The following LAMA2 variants were observed in gnomAD, a reference collection of about 807,000 sequenced individuals.
The protein encoded by LAMA2 is laminin subunit alpha-2.
A neutral mutation model predicts 364.8 loss-of-function variants in LAMA2; 269 were observed. The ratio of observed to expected loss-of-function variants is 0.74; its 90% CI spans 0.67 to 0.82. The LOEUF is 0.82. Ranked by LOEUF, LAMA2 falls within the 40% of genes least tolerant of loss-of-function variation. The pLI, the probability that LAMA2 is intolerant of heterozygous loss-of-function variation, is 0.00. For missense variants in LAMA2, 3,807 were observed against 3,873.2 expected, an observed-to-expected ratio of 0.98 and a Z score of 0.45; for synonymous variants, 1,379 against 1,370.6, an observed-to-expected ratio of 1.01 and a Z score of -0.14.
chr6:129,444,570 C>T (rs1441793159), intron 44 of LAMA2, among the ~76,000 whole-genome samples: 3 of 152,004 alleles, frequency 2.0e-5, no homozygotes, highest in African/African-American at 7.3e-5. Flanking sequence ...TAATAATAGA[C>T]CTATGTTCTT....
intron 12 of LAMA2, among the ~76,000 whole-genome samples, chr6:129,200,473 C>CATAT (rs1782210452): frequency 6.8e-6 from 1 of 147,004 alleles, no homozygotes; most frequent in Admixed American, 6.8e-5. Context: ...TACACATATA[C>CATAT]ATGTATATAT....
chr6:129,460,152 A>C, intron 48 of LAMA2, 48 bp from the exon 49 acceptor site: 1 of 1,589,144 alleles, frequency 6.3e-7, no homozygotes, highest in Non-Finnish European at 8.6e-7. Context: ...AACCAAGATT[A>C]TTTGTGAAAT....
chr6:129,226,727 G>A (rs1784312189), intron 12 of LAMA2, among the ~76,000 whole-genome samples: 1 of 152,032 alleles, frequency 6.6e-6, no homozygotes, highest in African/African-American at 2.4e-5. Context: ...GCTTCCCTTT[G>A]AGGGTAACCC....
At chr6:129,391,380 C>A in intron 35 of LAMA2, 111 bp from the exon 36 acceptor site, 1 of 920,552 alleles carries the variant, frequency 1.1e-6, no homozygotes, top group Non-Finnish European at 1.8e-6. Flanking sequence ...GGAACACTCA[C>A]GGCAAAATAC....
At chr6:128,959,518 TCC>T (rs1222369477) in intron 1 of LAMA2, among the ~76,000 whole-genome samples, 5 of 152,134 alleles carry the variant, frequency 3.3e-5, no homozygotes, top group Non-Finnish European at 7.3e-5. Context: ...GGTCTTTACA[TCC>T]CTTGAGGACT....
At chr6:129,271,049 T>C (rs141941028) in intron 17 of LAMA2, among the ~76,000 whole-genome samples, 144 of 152,242 alleles carry the variant, frequency 9.5e-4, no homozygotes, top group African/African-American at 3.3e-3. Flanking sequence ...AACACATACA[T>C]GTGCATGCAT....
chr6:129,111,300 G>A (rs1297132096), intron 4 of LAMA2, among the ~76,000 whole-genome samples: 1 of 151,994 alleles, frequency 6.6e-6, no homozygotes, highest in Non-Finnish European at 1.5e-5. Context: ...TACCTGGGTA[G>A]TACATAAGAC....
intron 3 of LAMA2, among the ~76,000 whole-genome samples, chr6:129,090,402 A>G (rs1774745264): frequency 6.6e-6 from 1 of 152,216 alleles, no homozygotes; most frequent in African/African-American, 2.4e-5. Flanking sequence ...TAATACTATT[A>G]TACTGATTCT....
chr6:129,031,784 C>T (rs1009989467), intron 1 of LAMA2, among the ~76,000 whole-genome samples: 2 of 151,980 alleles, frequency 1.3e-5, no homozygotes, highest in Non-Finnish European at 2.9e-5. Context: ...CCAGAACAGG[C>T]ACACAATTTA....
At chr6:129,137,391 T>A (rs887938151) in intron 4 of LAMA2, among the ~76,000 whole-genome samples, 1 of 152,248 alleles carries the variant, frequency 6.6e-6, no homozygotes, top group African/African-American at 2.4e-5. Flanking sequence ...TTTATAAAAT[T>A]ATTTTTCTTT....
intron 36 of LAMA2, 40 bp from the exon 37 acceptor site, chr6:129,393,005 A>C: frequency 1.3e-6 from 2 of 1,482,292 alleles, no homozygotes; most frequent in Non-Finnish European, 1.9e-6. Flanking sequence ...AGGCAGTGAC[A>C]TGAGCTCATT....
chr6:129,154,412 T>C, intron 7 of LAMA2, 93 bp from the exon 8 acceptor site: 2 of 1,200,674 alleles, frequency 1.7e-6, no homozygotes, highest in Non-Finnish European at 1.2e-6. Context: ...AGACTCTGTC[T>C]CAAAAAAAAA....
intron 19 of LAMA2, among the ~76,000 whole-genome samples, chr6:129,289,069 G>A (rs1302062191): frequency 6.6e-6 from 1 of 152,178 alleles, no homozygotes; most frequent in Non-Finnish European, 1.5e-5. Flanking sequence ...CTCATCACAG[G>A]TTTAGAAGAT....
At chr6:129,020,302 A>C (rs930975155) in intron 1 of LAMA2, among the ~76,000 whole-genome samples, 2 of 152,086 alleles carry the variant, frequency 1.3e-5, no homozygotes, top group African/African-American at 4.8e-5. Flanking sequence ...GGCCACAACT[A>C]TTCTTGGCCT....
chr6:129,503,100 T>C lies in LAMA2; in HGVS notation c.8367T>C (p.Ile2789=). Residue 2789 remains isoleucine, a synonymous_variant, in exon 60 of 65, where the codon ATT becomes ATC. Coordinates refer to ENST00000421865, the MANE Select transcript of LAMA2 (RefSeq NM_000426.4). ...DDTKVKNRLT[I]ELEVRTEAES... is the part of the protein sequence containing the mutation. ...TGCTTTTGTTTCACAGTCTCACAAT[T>C]GAGTTGGAAGTAAGAACCGAAGCTG... The C allele has an allele frequency of 6.2e-7, 1 of 1,614,108 alleles. No individual in the cohort carries two copies. Among genetic ancestry groups the C allele is most frequent in the Non-Finnish European group, 8.5e-7 (1 of 1,179,940 alleles).
chr6:129,478,488 GACTCCTTCTGCAGGATAACATGA>G (rs1271412919), intron 53 of LAMA2, among the ~76,000 whole-genome samples, 182 bp from the exon 54 acceptor site: 8 of 152,128 alleles, frequency 5.3e-5, no homozygotes, highest in Admixed American at 3.3e-4. Context: ...ACTACAAAAA[GACTCCTTCTGCAGGATAACATGA>G]ACATCCATTT....
At chr6:129,240,654 A>C (rs186435004) in intron 12 of LAMA2, among the ~76,000 whole-genome samples, 26 of 152,300 alleles carry the variant, frequency 1.7e-4, no homozygotes, top group Non-Finnish European at 3.1e-4. Flanking sequence ...ATGTGCTCTG[A>C]CTAGCTATGA....
intron 9 of LAMA2, among the ~76,000 whole-genome samples, chr6:129,167,011 T>C (rs928751285): frequency 2.6e-5 from 4 of 152,178 alleles, no homozygotes; most frequent in Admixed American, 6.5e-5. Flanking sequence ...ACTTATTCCA[T>C]ATAATTACTT....
At position 129,454,301 on chromosome 6, in the gene LAMA2, A is replaced by G. The variant is rs1169372077; in HGVS notation, c.6707+13A>G. 1.1e-5 allele frequency: 17 copies of G among 1,601,946 alleles called. No individual in the cohort carries two copies. The highest frequency in any genetic ancestry group is 1.4e-5 in the Non-Finnish European group (16 of 1,169,872). Reference sequence around the variant, plus strand: ...TCGTAGCATCAAGGTAACCAACTTAATAAAGATTAAGATAATTAAATGATA... The same window carrying G: ...TCGTAGCATCAAGGTAACCAACTTAGTAAAGATTAAGATAATTAAATGATA... On this transcript the variant is annotated intron_variant, in intron 47 of 64. Transcript: ENST00000421865.
Sources: allele counts gnomAD v4.1 joint callset (sites outside exome capture counted in the v4.1 genomes callset), GRCh38; gene constraint gnomAD v4.1.1; transcripts MANE v1.5; gene names NCBI Gene and HGNC (gene_info 2026-07-23, HGNC 2026-07-21).